GRID2: variants seen among roughly 807,000 people sequenced by gnomAD.
GRID2 encodes the protein glutamate ionotropic receptor delta type subunit 2.
In GRID2, 33 loss-of-function variants were observed where a neutral mutation model predicts 114.8. That is an observed-to-expected ratio of 0.29 (90% CI 0.22 to 0.38). GRID2 has a LOEUF of 0.38. GRID2 is among the 10% of genes least tolerant of loss of function. The probability of loss-of-function intolerance (pLI) is 1.00; values close to 1 mark genes in which losing one functional copy is unlikely to be tolerated. For synonymous variants in GRID2, 505 were observed against 449.9 expected (o/e 1.12, Z -1.55); for missense variants, 1,184 against 1,257.7 (o/e 0.94, Z 0.89).
chr4:93,110,997 A>G (rs1447997663), intron 4 of GRID2, 44 bp downstream of exon 4: 1 of 1,270,640 alleles, frequency 7.9e-7, no homozygotes, highest in Non-Finnish European at 1.2e-6. Context: ...CAAAACAATT[A>G]AAAGCTTTGG....
At chr4:93,698,799 T>A (rs1456439591) in intron 14 of GRID2, among the ~76,000 whole-genome samples, 1 of 152,082 alleles carries the variant, frequency 6.6e-6, no homozygotes, top group Non-Finnish European at 1.5e-5. Context: ...ACTAAAAGAA[T>A]CCTGTTTAAC....
chr4:93,386,841 G>T (rs535293430), intron 8 of GRID2, among the ~76,000 whole-genome samples: 1 of 152,148 alleles, frequency 6.6e-6, no homozygotes. Flanking sequence ...GCAGGTCTTG[G>T]CAGAGGCTCC....
intron 2 of GRID2, among the ~76,000 whole-genome samples, chr4:92,921,796 G>A (rs899218560): frequency 1.3e-5 from 2 of 152,184 alleles, no homozygotes; most frequent in African/African-American, 4.8e-5. Flanking sequence ...CAGGGGTCAG[G>A]GACCCACTTG....
At chr4:93,337,467 G>T (rs1283623677) in intron 8 of GRID2, among the ~76,000 whole-genome samples, 1 of 152,146 alleles carries the variant, frequency 6.6e-6, no homozygotes, top group Admixed American at 6.5e-5. Flanking sequence ...TTGCATTATC[G>T]CTGAGGAACC....
chr4:92,876,290 T>A (rs1326408685), intron 2 of GRID2, among the ~76,000 whole-genome samples: 11 of 150,448 alleles, frequency 7.3e-5, no homozygotes, highest in South Asian at 4.2e-4. Flanking sequence ...TTATTTTATT[T>A]ATTTATTTAT....
At chr4:93,113,039 C>T (rs1732915091) in intron 4 of GRID2, among the ~76,000 whole-genome samples, 1 of 152,086 alleles carries the variant, frequency 6.6e-6, no homozygotes, top group African/African-American at 2.4e-5. Flanking sequence ...GTAGTGATGG[C>T]ACAACTTTAC....
At chr4:92,555,130 A>G (rs1189704427) in intron 1 of GRID2, among the ~76,000 whole-genome samples, 8 of 152,152 alleles carry the variant, frequency 5.3e-5, no homozygotes, top group African/African-American at 1.9e-4. Flanking sequence ...ATTAAATAAA[A>G]GAGGTTCTTG....
chr4:93,746,504 T>G (rs1196642109), intron 14 of GRID2, among the ~76,000 whole-genome samples: 2 of 152,112 alleles, frequency 1.3e-5, no homozygotes, highest in Non-Finnish European at 2.9e-5. Context: ...TTCCTACAAA[T>G]TCTTGAACTT....
intron 2 of GRID2, among the ~76,000 whole-genome samples, chr4:92,957,781 A>G (rs1357881187): frequency 1.3e-5 from 2 of 152,128 alleles, no homozygotes; most frequent in Admixed American, 1.3e-4. Flanking sequence ...CTTTTTGTCC[A>G]TAAACATAAA....
At chr4:93,745,152 G>A (rs1220798524) in intron 14 of GRID2, among the ~76,000 whole-genome samples, 3 of 152,020 alleles carry the variant, frequency 2.0e-5, no homozygotes, top group Non-Finnish European at 4.4e-5. Flanking sequence ...CTGATGTATG[G>A]CTGTAATTGT....
intron 1 of GRID2, among the ~76,000 whole-genome samples, chr4:92,357,127 T>G (rs1728367007): frequency 6.6e-6 from 1 of 151,772 alleles, no homozygotes; most frequent in Non-Finnish European, 1.5e-5. Flanking sequence ...AGTGTCTGTT[T>G]AAAAATACTT....
chr4:93,809,384 C>A (rs1444276804), exon 2 of GRID2: 1 of 152,162 alleles, frequency 6.6e-6, no homozygotes, highest in African/African-American at 2.4e-5. Flanking sequence ...CCCAGCAATC[C>A]TTTAAACAAA....
intron 2 of GRID2, among the ~76,000 whole-genome samples, chr4:92,658,393 G>C (rs1024247740): frequency 2.6e-5 from 4 of 151,852 alleles, no homozygotes; most frequent in South Asian, 2.1e-4. Context: ...GAAAGTGAGT[G>C]TGTCTACTGA....
intron 2 of GRID2, among the ~76,000 whole-genome samples, chr4:93,041,798 C>T (rs547410991): frequency 3.4e-4 from 52 of 152,150 alleles, no homozygotes; most frequent in Non-Finnish European, 6.9e-4. Context: ...AAGAATTGTA[C>T]TGAGTAGAGC....
intron 2 of GRID2, among the ~76,000 whole-genome samples, chr4:92,747,306 T>C (rs1467286432): frequency 6.6e-6 from 1 of 152,098 alleles, no homozygotes; most frequent in Non-Finnish European, 1.5e-5. Flanking sequence ...TTGAATGCTT[T>C]GTAAGAATGA....
intron 1 of GRID2, among the ~76,000 whole-genome samples, chr4:93,796,895 A>C (rs1734814181): frequency 6.6e-6 from 1 of 152,122 alleles, no homozygotes. Flanking sequence ...AATTTAATGT[A>C]CAGTCATGCA....
intron 13 of GRID2, among the ~76,000 whole-genome samples, chr4:93,622,001 G>A (rs1742256118): frequency 6.6e-6 from 1 of 152,152 alleles, no homozygotes; most frequent in African/African-American, 2.4e-5. Context: ...GTCGCCTACT[G>A]GGGAGGTCCC....
chr4:92,876,834 T>C (rs1420419516), intron 2 of GRID2, among the ~76,000 whole-genome samples: 2 of 152,184 alleles, frequency 1.3e-5, no homozygotes, highest in Non-Finnish European at 2.9e-5. Context: ...CCAATGTTGG[T>C]GGACTGTAAG....
At chr4:93,101,615 A>AT (rs1271148263) in intron 3 of GRID2, among the ~76,000 whole-genome samples, 15 of 151,990 alleles carry the variant, frequency 9.9e-5, no homozygotes, top group Admixed American at 7.2e-4. Context: ...ATTTCCTAGG[A>AT]TTTTTTCCTA....
Sources: allele counts gnomAD v4.1 joint callset (sites outside exome capture counted in the v4.1 genomes callset), GRCh38; gene constraint gnomAD v4.1.1; transcripts MANE v1.5; gene names NCBI Gene and HGNC (gene_info 2026-07-23, HGNC 2026-07-21).